DAB1: variants seen among roughly 807,000 people sequenced by gnomAD.
DAB1 encodes the protein DAB adaptor protein 1.
In DAB1, 15 loss-of-function variants were observed where a neutral mutation model predicts 64.6. The observed-to-expected ratio is 0.23, with a 90% confidence interval of 0.16 to 0.36. The LOEUF (loss-of-function observed/expected upper bound fraction) is 0.36, where lower values mean the gene tolerates loss of function less well. Among genes scored for constraint, DAB1 ranks in the 10% least tolerant of loss-of-function variants. The probability of loss-of-function intolerance (pLI) is 1.00; values close to 1 mark genes in which losing one functional copy is unlikely to be tolerated. For synonymous variants in DAB1, 235 were observed against 251.9 expected (o/e 0.93, Z 0.64); for missense variants, 596 against 706.7 (o/e 0.84, Z 1.78).
intron 6 of DAB1, among the ~76,000 whole-genome samples, chr1:57,662,071 C>A (rs942667301): frequency 1.3e-5 from 2 of 152,164 alleles, no homozygotes; most frequent in Admixed American, 6.5e-5. Flanking sequence ...ATCAGAGATT[C>A]CTGGCTGCTC....
chr1:58,175,546 A>C lies in DAB1; in HGVS notation n.310-24958T>G, dbSNP rs572563282. ...GTTCAGTATTTCATTCAGTGGTTTT[A>C]ACTTGCATTTCCCTAATAACTAGTG... On this transcript the variant is annotated intron_variant and non_coding_transcript_variant, in intron 4 of 20. Coordinates refer to the DAB1 transcript ENST00000485760. Among the ~76,000 whole-genome samples, 6 of 152,300 alleles carry C rather than the reference A, an allele frequency of 3.9e-5. No homozygotes were observed. The East Asian group carries it at 1.2e-3, about 29-fold the overall frequency.
intron 6 of DAB1, among the ~76,000 whole-genome samples, chr1:57,779,928 A>G (rs1170061964): frequency 6.6e-6 from 1 of 152,092 alleles, no homozygotes; most frequent in Non-Finnish European, 1.5e-5. Flanking sequence ...GCCATTTTCT[A>G]TTTTTCTTAC....
At chr1:57,466,021 C>T (rs1686944180) in intron 7 of DAB1, among the ~76,000 whole-genome samples, 1 of 152,146 alleles carries the variant, frequency 6.6e-6, no homozygotes. Flanking sequence ...TAAATGCTCT[C>T]TTTAATAGCT....
At chr1:57,370,549 T>C (rs553717304) in intron 1 of DAB1, among the ~76,000 whole-genome samples, 1 of 152,010 alleles carries the variant, frequency 6.6e-6, no homozygotes, top group African/African-American at 2.4e-5. Flanking sequence ...TCTACTTTTA[T>C]TGGGGTGAGG....
At chr1:58,314,030 A>AT (rs1171027430) in intron 4 of DAB1, among the ~76,000 whole-genome samples, 2 of 151,744 alleles carry the variant, frequency 1.3e-5, no homozygotes, top group African/African-American at 4.8e-5. Flanking sequence ...TAATATCATA[A>AT]TTTTTCTTTG....
chr1:57,997,153 GCACCAGCATGTT>G (rs1294086561), intron 5 of DAB1, among the ~76,000 whole-genome samples: 1 of 152,106 alleles, frequency 6.6e-6, no homozygotes, highest in Non-Finnish European at 1.5e-5. Context: ...CGGCAAGTGG[GCACCAGCATGTT>G]CACTAAGAGG....
intron 5 of DAB1, among the ~76,000 whole-genome samples, chr1:58,141,574 C>T (rs1302033971): frequency 6.6e-6 from 1 of 152,174 alleles, no homozygotes; most frequent in Non-Finnish European, 1.5e-5. Flanking sequence ...AGAGCTCACT[C>T]TCTCCAAGGG....
At chr1:57,030,027 T>C (rs1646918620) in intron 9 of DAB1, among the ~76,000 whole-genome samples, 1 of 152,210 alleles carries the variant, frequency 6.6e-6, no homozygotes, top group Non-Finnish European at 1.5e-5. Flanking sequence ...GGTTTGGCTG[T>C]GTCCCCACCC....
At chr1:58,083,006 C>T (rs1220845077) in intron 5 of DAB1, among the ~76,000 whole-genome samples, 1 of 152,206 alleles carries the variant, frequency 6.6e-6, no homozygotes. Flanking sequence ...AAAGCTCTAA[C>T]TTGTGATTTT....
chr1:57,301,223 T>A (rs78807830), intron 1 of DAB1, among the ~76,000 whole-genome samples: 12,760 of 152,162 alleles, frequency 0.084, 647 homozygotes, highest in African/African-American at 0.14. Context: ...GCAGACCCTG[T>A]AAATGCTGGA....
chr1:58,380,336 A>T (rs547304736), intron 3 of DAB1, among the ~76,000 whole-genome samples: 1 of 152,326 alleles, frequency 6.6e-6, no homozygotes, highest in South Asian at 2.1e-4. Flanking sequence ...GCCTCCACGT[A>T]AGACGTGCCT....
At chr1:57,890,650 T>G (rs1557539703) in intron 5 of DAB1, among the ~76,000 whole-genome samples, 1 of 151,980 alleles carries the variant, frequency 6.6e-6, no homozygotes. Context: ...AAACAAGGTA[T>G]CCCTATGTTT....
chr1:57,590,251 A>G (rs902424999), intron 7 of DAB1, among the ~76,000 whole-genome samples: 1 of 152,080 alleles, frequency 6.6e-6, no homozygotes, highest in South Asian at 2.1e-4. Context: ...GACACTAGTC[A>G]TATTGGACTA....
chr1:58,025,980 A>G (rs1349021955), intron 5 of DAB1, among the ~76,000 whole-genome samples: 1 of 151,958 alleles, frequency 6.6e-6, no homozygotes, highest in Admixed American at 6.6e-5. Flanking sequence ...CCAAACACTC[A>G]TCCTTCAAGT....
At chr1:58,187,013 AAAGG>A (rs1397927389) in intron 4 of DAB1, among the ~76,000 whole-genome samples, 1 of 152,242 alleles carries the variant, frequency 6.6e-6, no homozygotes, top group Admixed American at 6.5e-5. Flanking sequence ...GTGAACACAG[AAAGG>A]AAGGGAGAAG....
At chr1:57,959,329 G>A (rs1399016875) in intron 5 of DAB1, among the ~76,000 whole-genome samples, 1 of 152,064 alleles carries the variant, frequency 6.6e-6, no homozygotes, top group South Asian at 2.1e-4. Context: ...AGCTGTGTAT[G>A]TATTTTTAAA....
At chr1:57,928,514 G>A (rs894496127) in intron 5 of DAB1, among the ~76,000 whole-genome samples, 9 of 152,176 alleles carry the variant, frequency 5.9e-5, no homozygotes, top group African/African-American at 1.7e-4. Flanking sequence ...ACATTTATGG[G>A]TTTTGATGAA....
intron 6 of DAB1, among the ~76,000 whole-genome samples, chr1:57,731,168 A>G (rs1204496915): frequency 6.6e-6 from 1 of 152,250 alleles, no homozygotes; most frequent in Non-Finnish European, 1.5e-5. Flanking sequence ...GAGACAAGCT[A>G]CTACATAGAT....
At chr1:57,773,982 C>A (rs896267757) in intron 6 of DAB1, among the ~76,000 whole-genome samples, 1 of 151,814 alleles carries the variant, frequency 6.6e-6, no homozygotes, top group Non-Finnish European at 1.5e-5. Context: ...TGTTTTAGGT[C>A]TTTTGCATTT....
Sources: gnomAD v4.1 joint callset for allele counts (sites outside exome capture counted in the v4.1 genomes callset) on GRCh38, gnomAD v4.1.1 for gene constraint, MANE v1.5 for transcripts, NCBI Gene and HGNC (gene_info 2026-07-23, HGNC 2026-07-21) for gene names.